PCDHGB5: variants seen among roughly 807,000 people sequenced by gnomAD.
PCDHGB5 encodes protocadherin gamma-B5.
In PCDHGB5, 48 loss-of-function variants were observed where a neutral mutation model predicts 62.9. The observed-to-expected ratio is 0.76, with a 90% CI of 0.61 to 0.97. The LOEUF (loss-of-function observed/expected upper bound fraction) is 0.97, where lower values mean the gene tolerates loss of function less well. Ranked by LOEUF, PCDHGB5 falls within the 50% of genes least tolerant of loss-of-function variation. The pLI is 0.00. For missense variants in PCDHGB5, 1,118 were observed against 1,198.6 expected (o/e 0.93, Z 0.99); for synonymous variants, 474 against 511.2 (o/e 0.93, Z 0.98).
chr5:141,457,868 G>T lies in PCDHGB5; in HGVS notation c.2398-36939G>T, dbSNP rs1479066479. ...AAAGTGACATTCTTCACTGACCACA[G>T]GTTAGGAACCCTGTGTGGGGACTGT... On this transcript the variant is annotated intron_variant, in intron 1 of 3. Transcript: ENST00000617380. Among the ~76,000 whole-genome samples the T allele has an allele frequency of 2.0e-5, 3 of 152,346 alleles. No individual in the cohort carries two copies. In the East Asian group the frequency reaches 5.8e-4, roughly 29 times the overall value.
rs756243026 is a variant in PCDHGB5, at chr5:141,487,478, T to C, written c.2398-7329T>C. On this transcript the variant is annotated intron_variant, in intron 1 of 3. Transcript: ENST00000617380. This position sits in a 1 kb window ranked among gnomAD's most constrained non-coding sequence, Gnocchi z 5.0. ...CAAGTTTGTTGATGTGGGAGGCCAC[T>C]CTCATGGCTGTACACCCTTGGCTTC... is the stretch of plus-strand genomic sequence containing the variant. 6 of 1,614,078 alleles carry C rather than the reference T, an allele frequency of 3.7e-6. No individual in the cohort carries two copies. In the Admixed American group the frequency reaches 1.0e-4, roughly 27 times the overall value.
intron 2 of PCDHGB5, among the ~76,000 whole-genome samples, chr5:141,500,877 AT>A (rs369345007): frequency 5.2e-4 from 64 of 122,250 alleles, no homozygotes; most frequent in Admixed American, 1.0e-3. Context: ...TTCATTTACA[AT>A]TTTTTTTTTT....
At chr5:141,404,224 AAC>A (rs1416261372) in intron 1 of PCDHGB5, 1 of 1,613,704 alleles carries the variant, frequency 6.2e-7, no homozygotes, top group Non-Finnish European at 8.5e-7. Flanking sequence ...CGGTGACTGC[AAC>A]AGACAGAGGA....
At position 141,477,004 on chromosome 5, in the gene PCDHGB5, C is replaced by T. The variant is rs1390668803; in HGVS notation, c.2398-17803C>T. On this transcript the variant is annotated intron_variant, in intron 1 of 3. Coordinates refer to ENST00000617380, the MANE Select transcript of PCDHGB5 (RefSeq NM_018925.3). The surrounding 1 kb of genome is among the most constrained non-coding windows in gnomAD (Gnocchi z 4.9). ...GCGCCGGCGTGCGGCAACTATTCGC[C>T]TTAGACCTTGTAACCGGGATGCTGA... is the stretch of plus-strand genomic sequence containing the variant. 3 of 1,614,236 alleles carry T rather than the reference C, an allele frequency of 1.9e-6. No homozygotes were observed. The highest frequency in any genetic ancestry group is 2.5e-6 in the Non-Finnish European group (3 of 1,180,042).
chr5:141,487,689 A>G lies in PCDHGB5; in HGVS notation c.2398-7118A>G. 6.2e-7 allele frequency: 1 copy of G among 1,605,144 alleles called. No homozygotes were observed. The highest frequency in any genetic ancestry group is 1.7e-4 in the Middle Eastern group (1 of 6,050). ...GGCATATGGCTAGGCCATGTCCTAG[A>G]GAGTACTGGCCTCTCAGTAAGTGCC... On this transcript the variant is annotated intron_variant, in intron 1 of 3. Coordinates refer to ENST00000617380, the MANE Select transcript of PCDHGB5 (RefSeq NM_018925.3). This position sits in a 1 kb window ranked among gnomAD's most constrained non-coding sequence, Gnocchi z 5.0.
At chr5:141,449,588 CAAAAAAA>C (rs768743917) in intron 1 of PCDHGB5, among the ~76,000 whole-genome samples, 5 of 57,506 alleles carry the variant, frequency 8.7e-5, no homozygotes, top group Admixed American at 3.6e-4. Flanking sequence ...GACTCTGTCT[CAAAAAAA>C]AAAAAAAAAA....
At chr5:141,428,312 C>A in intron 1 of PCDHGB5, 1 of 671,484 alleles carries the variant, frequency 1.5e-6, no homozygotes, top group Non-Finnish European at 2.7e-6. Flanking sequence ...CTGGTCGTGG[C>A]CTTGGCCTTG....
intron 1 of PCDHGB5, among the ~76,000 whole-genome samples, chr5:141,452,476 C>T (rs968627914): frequency 6.6e-6 from 1 of 152,216 alleles, no homozygotes; most frequent in Admixed American, 6.5e-5. Context: ...AGGAAAAACA[C>T]ACATAAACAC....
intron 1 of PCDHGB5, chr5:141,492,046 AC>A (rs955983612): frequency 2.0e-6 from 1 of 494,316 alleles, no homozygotes; most frequent in African/African-American, 2.0e-5. Context: ...TCACAGATCC[AC>A]CCCTGCAGCC....
At chr5:141,423,139 G>T (rs2096713828) in intron 1 of PCDHGB5, 4 of 1,613,498 alleles carry the variant, frequency 2.5e-6, no homozygotes, top group Non-Finnish European at 3.4e-6. Flanking sequence ...GGACAGAGAC[G>T]CGCTCAAGCA....
At chr5:141,433,111 C>T (rs2097569323) in intron 1 of PCDHGB5, 1 of 1,613,966 alleles carries the variant, frequency 6.2e-7, no homozygotes, top group African/African-American at 1.3e-5. Context: ...GCCAGGAGAG[C>T]TTTGAAAAAA....
chr5:141,450,470 A>AGTTT (rs199699353), intron 1 of PCDHGB5, among the ~76,000 whole-genome samples: 2,037 of 151,800 alleles, frequency 0.013, 39 homozygotes, highest in African/African-American at 0.044. Flanking sequence ...TTATATATAG[A>AGTTT]GTTTGTTTGT....
At chr5:141,401,610 A>AC (rs1186420148) in intron 1 of PCDHGB5, among the ~76,000 whole-genome samples, 1 of 152,212 alleles carries the variant, frequency 6.6e-6, no homozygotes, top group Non-Finnish European at 1.5e-5. Flanking sequence ...GGAAAAAGAC[A>AC]CCGGATTTGT....
rs917165100 is a variant in PCDHGB5, at chr5:141,442,878, C to T, written c.2397+42354C>T. Among the ~76,000 whole-genome samples, 6 of 152,178 alleles carry T rather than the reference C, an allele frequency of 3.9e-5. No homozygotes were observed. In the South Asian group the frequency reaches 8.3e-4, roughly 21 times the overall value. The stretch of plus-strand genomic sequence containing the variant: ...GTATGAGAGATGTAAATTTACAACT[C>T]AGAATCCCTGCTTATCACTTCTCCT... On this transcript the variant is annotated intron_variant, in intron 1 of 3. Coordinates refer to ENST00000617380, the MANE Select transcript of PCDHGB5 (RefSeq NM_018925.3).
rs773174763 is a variant in PCDHGB5 at position 141,477,409 on chromosome 5, C to T, written c.2398-17398C>T. The T allele has an allele frequency of 1.4e-5, 22 of 1,614,058 alleles. No homozygotes were observed. The highest frequency in any genetic ancestry group is 1.7e-5 in the Admixed American group (1 of 60,006). On this transcript the variant is annotated intron_variant, in intron 1 of 3. Transcript: ENST00000617380. This position sits in a 1 kb window ranked among gnomAD's most constrained non-coding sequence, Gnocchi z 4.9. ...ACAACCTCAGCATCACCGCCCGAGA[C>T]GCCGGAACCCCTTCCCTCTCAGCCC...
chr5:141,503,418 A>G (rs1037754214), intron 2 of PCDHGB5, among the ~76,000 whole-genome samples: 1 of 151,528 alleles, frequency 6.6e-6, no homozygotes, highest in Admixed American at 6.6e-5. Context: ...AATATGGTGA[A>G]ACCCCATCTC....
intron 1 of PCDHGB5, among the ~76,000 whole-genome samples, chr5:141,453,065 G>A (rs1308047230): frequency 3.3e-5 from 5 of 151,960 alleles, no homozygotes; most frequent in African/African-American, 1.2e-4. Flanking sequence ...TTAGAGTTTT[G>A]CCACACTCTG....
At chr5:141,433,641 G>C (rs1177387884) in intron 1 of PCDHGB5, among the ~76,000 whole-genome samples, 1 of 152,104 alleles carries the variant, frequency 6.6e-6, no homozygotes, top group Admixed American at 6.5e-5. Flanking sequence ...TTTGAGACCA[G>C]CCTGACCAAC....
At chr5:141,413,513 T>C (rs1369472337) in intron 1 of PCDHGB5, 34 of 1,613,974 alleles carry the variant, frequency 2.1e-5, no homozygotes, top group Non-Finnish European at 2.9e-5. Context: ...TTTAATATCC[T>C]TGTGGAAGAC....
Sources: allele counts gnomAD v4.1 joint callset (sites outside exome capture counted in the v4.1 genomes callset), GRCh38; gene constraint gnomAD v4.1.1; non-coding constraint Gnocchi (gnomAD v3.1); transcripts MANE v1.5; gene names NCBI Gene and HGNC (gene_info 2026-07-23, HGNC 2026-07-21).